ZCCHC7: variants seen among roughly 807,000 people sequenced by gnomAD.
ZCCHC7 encodes the protein zinc finger CCHC domain-containing protein 7.
Under a neutral mutation model 52.0 loss-of-function variants are expected in ZCCHC7, and 35 were observed. That is an observed-to-expected ratio of 0.67 (90% CI 0.51 to 0.89). The LOEUF (loss-of-function observed/expected upper bound fraction) is 0.89, where lower values mean the gene tolerates loss of function less well. Ranked by LOEUF, ZCCHC7 falls within the 40% of genes least tolerant of loss-of-function variation. The pLI is 0.00. For missense variants in ZCCHC7, 574 were observed against 649.1 expected, an observed-to-expected ratio of 0.88 and a Z score of 1.26; for synonymous variants, 217 against 221.5, an observed-to-expected ratio of 0.98 and a Z score of 0.18.
chr9:37,222,380 T>C (rs1446269844), intron 2 of ZCCHC7, among the ~76,000 whole-genome samples: 1 of 143,504 alleles, frequency 7.0e-6, no homozygotes, highest in Non-Finnish European at 1.5e-5. Context: ...TGTGTGTGTT[T>C]TCAAGTATAA....
At position 37,349,409 on chromosome 9, in the gene ZCCHC7, T is replaced by C; in HGVS notation, c.1040T>C (p.Leu347Ser). The C allele has an allele frequency of 6.2e-7, 1 of 1,614,124 alleles. No individual in the cohort carries two copies. The highest frequency in any genetic ancestry group is 8.5e-7 in the Non-Finnish European group (1 of 1,179,990). ...AAGACCCCTTCAAGACCATCAGCCT[T>C]AGCATATTGCTATCACTGCGCGCAA... ...KPKTPSRPSA[L>S]AYCYHCAQKG... is the part of the protein sequence containing the mutation. Residue 347 changes from leucine (L) to serine (S), a missense_variant, in exon 7 of 9, where the codon TTA becomes TCA. By Grantham distance (145) the Leu-to-Ser change is moderately radical. Around this residue, in one of 3 missense-constraint regions of ZCCHC7, gnomAD observed 403 missense variants for 461.2 expected, o/e 0.87. Transcript: ENST00000336755.
At chr9:37,280,237 C>T (rs143310605) in intron 2 of ZCCHC7, among the ~76,000 whole-genome samples, 7 of 152,062 alleles carry the variant, frequency 4.6e-5, no homozygotes, top group African/African-American at 7.2e-5. Context: ...CAAAATTTGA[C>T]GGGATTAAAG....
At chr9:37,351,136 T>C (rs887663623) in intron 7 of ZCCHC7, among the ~76,000 whole-genome samples, 1 of 152,066 alleles carries the variant, frequency 6.6e-6, no homozygotes, top group African/African-American at 2.4e-5. Context: ...TCTTCCATAT[T>C]GGGGCAGCAG....
chr9:37,323,176 A>G (rs546249914), intron 5 of ZCCHC7, among the ~76,000 whole-genome samples: 3 of 152,170 alleles, frequency 2.0e-5, no homozygotes, highest in Non-Finnish European at 2.9e-5. Context: ...TAGCTGCTAC[A>G]TTATCATGCT....
At chr9:37,200,665 A>G (rs574687650) in intron 2 of ZCCHC7, among the ~76,000 whole-genome samples, 3 of 152,356 alleles carry the variant, frequency 2.0e-5, no homozygotes, top group African/African-American at 7.2e-5. Context: ...ATTCATAAAA[A>G]GAGAGTGAAG....
rs1395288819 is a variant in ZCCHC7, at chr9:37,223,940, T to C, written c.611-78248T>C. 2.6e-5 allele frequency among the ~76,000 whole-genome samples: 4 copies of C among 152,148 alleles called. No individual in the cohort carries two copies. The East Asian group carries it at 5.8e-4, about 22-fold the overall frequency. ...AAAAATTTATGCCTAAAAAAGACAA[T>C]GTTCTATTAAAAATTGAAGTGGTCT... On this transcript the variant is annotated intron_variant, in intron 2 of 8. Transcript: ENST00000336755.
Position 37,130,322 on chromosome 9 carries a change from C to T in ZCCHC7, c.610+3380C>T, listed in dbSNP as rs369312796. On this transcript the variant is annotated intron_variant, in intron 2 of 8. Coordinates refer to ENST00000336755, the MANE Select transcript of ZCCHC7 (RefSeq NM_032226.3). ...AGAATATAGGAAGCTAAGTAATTTA[C>T]GGAATTCTCTCCTTTTTTTTTTTTT... 9.3e-4 allele frequency among the ~76,000 whole-genome samples: 121 copies of T among 130,256 alleles called. 2 individuals are homozygous for T. In the South Asian group the frequency reaches 0.029, roughly 31 times the overall value. The allele number at this position is 130,256 out of a possible 152,430, so 85.5% of individuals were successfully genotyped here.
At chr9:37,236,302 A>G (rs780675704) in intron 2 of ZCCHC7, among the ~76,000 whole-genome samples, 2 of 152,184 alleles carry the variant, frequency 1.3e-5, no homozygotes, top group Non-Finnish European at 2.9e-5. Context: ...CTAGATTTCT[A>G]GACAATTTAT....
At chr9:37,161,586 A>G (rs1402001459) in intron 2 of ZCCHC7, among the ~76,000 whole-genome samples, 2 of 151,902 alleles carry the variant, frequency 1.3e-5, no homozygotes, top group African/African-American at 2.4e-5. Flanking sequence ...AAAAAAAAAG[A>G]AAAAAAAGTG....
chr9:37,208,496 T>C (rs954641334), intron 2 of ZCCHC7, among the ~76,000 whole-genome samples: 3 of 152,166 alleles, frequency 2.0e-5, no homozygotes, highest in African/African-American at 7.2e-5. Flanking sequence ...TGAGAGCAAG[T>C]TTAGAAATGG....
At chr9:37,194,918 G>T (rs1372304273) in intron 2 of ZCCHC7, among the ~76,000 whole-genome samples, 1 of 151,234 alleles carries the variant, frequency 6.6e-6, no homozygotes, top group Non-Finnish European at 1.5e-5. Context: ...AGCAGAACAA[G>T]AACTCAGATT....
intron 2 of ZCCHC7, among the ~76,000 whole-genome samples, chr9:37,132,834 C>T (rs946749232): frequency 9.9e-5 from 15 of 152,242 alleles, no homozygotes; most frequent in African/African-American, 3.4e-4. Context: ...TGACAGTAGC[C>T]GATGAGCTAA....
intron 2 of ZCCHC7, among the ~76,000 whole-genome samples, chr9:37,195,289 A>G (rs1266348575): frequency 6.6e-6 from 1 of 152,146 alleles, no homozygotes; most frequent in Non-Finnish European, 1.5e-5. Context: ...TTATAAGTGC[A>G]TCCCTTTGCA....
chr9:37,149,125 C>T (rs997898777), intron 2 of ZCCHC7, among the ~76,000 whole-genome samples: 1 of 152,042 alleles, frequency 6.6e-6, no homozygotes, highest in Non-Finnish European at 1.5e-5. Context: ...CTTCTGTGGT[C>T]CCAATGTTAA....
chr9:37,188,383 G>A (rs1415038693), intron 2 of ZCCHC7, among the ~76,000 whole-genome samples: 4 of 151,542 alleles, frequency 2.6e-5, no homozygotes, highest in Non-Finnish European at 5.9e-5. Context: ...TCGAACTCCT[G>A]GGCTCAAGTG....
chr9:37,297,606 G>A (rs903156482), intron 2 of ZCCHC7, among the ~76,000 whole-genome samples: 1 of 152,188 alleles, frequency 6.6e-6, no homozygotes, highest in Non-Finnish European at 1.5e-5. Flanking sequence ...AAAATGTAAG[G>A]CATCTATGGC....
chr9:37,313,536 T>G (rs1829685085), intron 5 of ZCCHC7, among the ~76,000 whole-genome samples: 1 of 152,232 alleles, frequency 6.6e-6, no homozygotes, highest in Non-Finnish European at 1.5e-5. Context: ...ATTTTAAACT[T>G]GAAGGCATAT....
rs1368517293 is a variant in ZCCHC7, at chr9:37,320,388, A to AT, written c.952-7405dup. On this transcript the variant is annotated intron_variant, in intron 5 of 8. Transcript: ENST00000336755. ...CCACCGCACCTGGCCAACTTCGGTT[A>AT]TTTTTTACAAAATAACTTTTGCTGT... is the stretch of plus-strand genomic sequence containing the variant. 8.5e-5 allele frequency among the ~76,000 whole-genome samples: 13 copies of AT among 152,288 alleles called. No homozygotes were observed. In the East Asian group the frequency reaches 1.3e-3, roughly 16 times the overall value.
chr9:37,195,175 G>A (rs1056507418), intron 2 of ZCCHC7, among the ~76,000 whole-genome samples: 2 of 151,974 alleles, frequency 1.3e-5, no homozygotes, highest in African/African-American at 4.8e-5. Context: ...TTGAACTCCT[G>A]ACCTCAGGAG....
Sources: gnomAD v4.1 joint callset for allele counts (sites outside exome capture counted in the v4.1 genomes callset) on GRCh38, gnomAD v4.1.1 for gene constraint, gnomAD v4.1.1 regional missense constraint, MANE v1.5 for transcripts, NCBI Gene and HGNC (gene_info 2026-07-23, HGNC 2026-07-21) for gene names.